The following ABI3BP variants were observed in gnomAD, a reference collection of about 807,000 sequenced individuals.
ABI3BP encodes ABI family member 3 binding protein.
In ABI3BP, 216 loss-of-function variants were observed where a neutral mutation model predicts 268.6. That is an observed-to-expected ratio of 0.80 (90% CI 0.72 to 0.90). The LOEUF is 0.90. ABI3BP is among the 40% of genes least tolerant of loss of function. ABI3BP has a pLI of 0.00. For missense variants in ABI3BP, 2,090 were observed against 2,182.4 expected, an observed-to-expected ratio of 0.96 and a Z score of 0.84; for synonymous variants, 730 against 730.0, an observed-to-expected ratio of 1.00 and a Z score of 0.00.
chr3:100,772,403 C>T (rs953299694), intron 61 of ABI3BP, among the ~76,000 whole-genome samples: 3 of 152,116 alleles, frequency 2.0e-5, no homozygotes, highest in Non-Finnish European at 2.9e-5. Context: ...TAAATAAAAA[C>T]ACCTTACGGT....
At position 100,750,023 on chromosome 3, in the gene ABI3BP, CT is replaced by C. The variant is rs2095233997; in HGVS notation, c.*471del. 1 of 306,856 alleles carries C rather than the reference CT, an allele frequency of 3.3e-6. No individual in the cohort carries two copies. 19.0% of individuals were successfully genotyped at this position (306,856 alleles called of 1,614,324 possible). The stretch of plus-strand genomic sequence containing the variant: ...TAAATATAAATGTGAAAATTCGGAC[CT>C]TTTTTCCCCAGATATACATGCTGAA... On this transcript the variant is annotated 3_prime_UTR_variant, in exon 68 of 68. Transcript: ENST00000471714.
At chr3:100,830,133 AT>A (rs2098463551) in intron 32 of ABI3BP, among the ~76,000 whole-genome samples, 4 of 52,690 alleles carry the variant, frequency 7.6e-5, no homozygotes, top group Non-Finnish European at 1.5e-4. Flanking sequence ...ATATATATAT[AT>A]ATATATATAT....
chr3:100,823,613 G>GAA, intron 36 of ABI3BP, 99 bp from the exon 37 acceptor site: 2 of 842,206 alleles, frequency 2.4e-6, no homozygotes, highest in East Asian at 3.0e-5. Flanking sequence ...AATTCTTCCA[G>GAA]AGAAACAAAA....
At chr3:100,895,888 A>G (rs553746424) in intron 4 of ABI3BP, among the ~76,000 whole-genome samples, 51 of 152,316 alleles carry the variant, frequency 3.3e-4, no homozygotes, top group African/African-American at 1.2e-3. Context: ...TATGTACAGT[A>G]TTTCCAGGCT....
chr3:100,765,896 T>C lies in ABI3BP; in HGVS notation c.4795A>G (p.Ile1599Val), dbSNP rs1440991070. 6.2e-7 allele frequency: 1 copy of C among 1,613,158 alleles called. No homozygotes were observed. The highest frequency in any genetic ancestry group is 8.5e-7 in the Non-Finnish European group (1 of 1,179,500). Residue 1599 changes from isoleucine to valine, a missense_variant, in exon 63 of 68, where the codon ATT becomes GTT. By Grantham distance (29) the Ile-to-Val change is conservative. Transcript: ENST00000471714. ...NGSFSGKNKS[I>V]QMTNQTFSTV... ...GAAAATGTCTGATTTGTCATTTGAA[T>C]GGACTTGTTCTTCCCACTGAATGAC...
intron 4 of ABI3BP, among the ~76,000 whole-genome samples, chr3:100,894,182 T>C (rs2046076036): frequency 6.6e-6 from 1 of 152,064 alleles, no homozygotes; most frequent in Non-Finnish European, 1.5e-5. Flanking sequence ...CGGGCCTTCA[T>C]AAACGATAGT....
intron 55 of ABI3BP, among the ~76,000 whole-genome samples, chr3:100,790,306 T>C (rs1310807071): frequency 6.6e-6 from 1 of 152,016 alleles, no homozygotes; most frequent in African/African-American, 2.4e-5. Flanking sequence ...GGAATTCATC[T>C]ATTCCATGCT....
At chr3:100,976,250 G>A (rs1011809547) in intron 1 of ABI3BP, among the ~76,000 whole-genome samples, 3 of 152,020 alleles carry the variant, frequency 2.0e-5, no homozygotes, top group Non-Finnish European at 4.4e-5. Context: ...CTGGTTTGGG[G>A]TTAGAAAAAT....
At chr3:100,991,059 C>T (rs1029021015) in intron 1 of ABI3BP, among the ~76,000 whole-genome samples, 3 of 152,122 alleles carry the variant, frequency 2.0e-5, no homozygotes, top group African/African-American at 4.8e-5. Context: ...GACATTCTCC[C>T]CTGTTCCCTT....
At chr3:100,837,009 A>T in intron 27 of ABI3BP, 115 bp downstream of exon 27, 3 of 1,066,150 alleles carry the variant, frequency 2.8e-6, no homozygotes, top group Non-Finnish European at 2.6e-6. Context: ...GAAAATTTTT[A>T]AAAATGAAAA....
chr3:100,864,730 G>A, intron 11 of ABI3BP, 103 bp downstream of exon 11: 1 of 779,896 alleles, frequency 1.3e-6, no homozygotes, highest in Non-Finnish European at 2.1e-6. Flanking sequence ...AAAGTGGGGA[G>A]GGAGAGAGAA....
intron 1 of ABI3BP, among the ~76,000 whole-genome samples, chr3:100,927,401 TA>T (rs561237751): frequency 5.2e-4 from 79 of 152,300 alleles, no homozygotes; most frequent in African/African-American, 1.9e-3. Flanking sequence ...AAGTGATATA[TA>T]ACATTTACCT....
At chr3:100,891,827 T>G (rs1024396652) in intron 4 of ABI3BP, among the ~76,000 whole-genome samples, 1 of 152,180 alleles carries the variant, frequency 6.6e-6, no homozygotes, top group Non-Finnish European at 1.5e-5. Context: ...TGGAAGCAAG[T>G]GGTATTCTGC....
At chr3:100,977,566 C>G (rs577856709) in intron 1 of ABI3BP, among the ~76,000 whole-genome samples, 1 of 152,172 alleles carries the variant, frequency 6.6e-6, no homozygotes, top group Non-Finnish European at 1.5e-5. Flanking sequence ...CATAGATCTG[C>G]GTGAGTGTTT....
At chr3:100,991,026 A>G (rs1251352362) in intron 1 of ABI3BP, among the ~76,000 whole-genome samples, 1 of 152,190 alleles carries the variant, frequency 6.6e-6, no homozygotes, top group Non-Finnish European at 1.5e-5. Flanking sequence ...ATCTGTTAAA[A>G]TTGTTTACTT....
chr3:100,810,413 A>C lies in ABI3BP; in HGVS notation c.3606T>G (p.Pro1202=). The change falls in exon 49 of 68, where the codon CCT becomes CCG. Residue 1202 remains proline, a splice_region_variant and synonymous_variant. Transcript: ENST00000471714. The part of the protein sequence containing the change: ...LPSPDEPQTE[P]APKQTPRAPP... ...TGACATACAAAATAATGTATTTACCAGGTTCAGTCTGAGGCTCATCTGGGC... is the reference window on the plus strand; with the variant it reads ...TGACATACAAAATAATGTATTTACCCGGTTCAGTCTGAGGCTCATCTGGGC... The C allele has an allele frequency of 6.5e-7, 1 of 1,532,728 alleles. No homozygotes were observed. The highest frequency in any genetic ancestry group is 8.7e-7 in the Non-Finnish European group (1 of 1,144,066). 94.9% of individuals were successfully genotyped at this position (1,532,728 alleles called of 1,614,324 possible).
chr3:100,863,801 TA>T, intron 12 of ABI3BP, 200 bp downstream of exon 12: 1 of 536,782 alleles, frequency 1.9e-6, no homozygotes, highest in Non-Finnish European at 3.3e-6. Flanking sequence ...AACATAATAT[TA>T]AAATATGACC....
At chr3:100,801,404 G>A (rs2097530572) in intron 51 of ABI3BP, among the ~76,000 whole-genome samples, 1 of 130,320 alleles carries the variant, frequency 7.7e-6, no homozygotes, top group Non-Finnish European at 1.5e-5. Context: ...CTCCAGCCTG[G>A]GCAACAGAGT....
intron 7 of ABI3BP, 37 bp downstream of exon 7, chr3:100,876,475 G>C: frequency 6.4e-7 from 1 of 1,564,704 alleles, no homozygotes; most frequent in African/African-American, 1.4e-5. Context: ...GTATGTTAAA[G>C]ATTGCTCTAA....
Sources: allele counts gnomAD v4.1 joint callset (sites outside exome capture counted in the v4.1 genomes callset), GRCh38; gene constraint gnomAD v4.1.1; transcripts MANE v1.5; gene names NCBI Gene and HGNC (gene_info 2026-07-23, HGNC 2026-07-21).